C4orf50: variants seen among roughly 807,000 people sequenced by gnomAD.
The protein encoded by C4orf50 is uncharacterized protein C4orf50.
A neutral mutation model predicts 77.2 loss-of-function variants in C4orf50; 80 were observed. That is an observed-to-expected ratio of 1.04 (90% confidence interval 0.87 to 1.25). The LOEUF is 1.25. Ranked by LOEUF, C4orf50 falls within the 50% of genes most tolerant of loss-of-function variation. The probability of loss-of-function intolerance (pLI) is 0.00; values close to 1 mark genes in which losing one functional copy is unlikely to be tolerated. For synonymous variants in C4orf50, 532 were observed against 465.3 expected, an observed-to-expected ratio of 1.14 and a Z score of -1.84; for missense variants, 1,257 against 1,152.9, an observed-to-expected ratio of 1.09 and a Z score of -1.31.
chr4:5,973,486 A>T (rs1266298619), intron 31 of C4orf50, among the ~76,000 whole-genome samples, 173 bp downstream of exon 9: 1 of 152,094 alleles, frequency 6.6e-6, no homozygotes, highest in Non-Finnish European at 1.5e-5. Context: ...TCCCATGCCC[A>T]CCCAGGGCAT....
exon 34 of C4orf50, chr4:5,959,474 G>A: frequency 6.2e-7 from 1 of 1,614,196 alleles, no homozygotes; most frequent in South Asian, 1.1e-5. Flanking sequence ...CTGGGCTCAG[G>A]AGCTCAGAGG....
chr4:5,963,000 C>CTTT (rs370272649), intron 33 of C4orf50, among the ~76,000 whole-genome samples: 3 of 146,080 alleles, frequency 2.1e-5, no homozygotes, highest in Non-Finnish European at 4.5e-5. Flanking sequence ...TTTTTCTTTT[C>CTTT]TTTTTTTTTT....
At chr4:5,977,394 A>T (rs528465220) in intron 29 of C4orf50, among the ~76,000 whole-genome samples, 2 of 152,336 alleles carry the variant, frequency 1.3e-5, no homozygotes, top group African/African-American at 4.8e-5. Flanking sequence ...ATGTGTGTAT[A>T]TGAAATTATA....
intron 7 of C4orf50, among the ~76,000 whole-genome samples, chr4:5,949,401 C>A (rs114876501): frequency 9.1e-4 from 139 of 152,312 alleles, no homozygotes; most frequent in Non-Finnish European, 1.3e-3. Flanking sequence ...CACGGATGAA[C>A]CTCAAAGACA....
rs992453633 is a variant in C4orf50, at chr4:5,945,097, G to A, written c.*2474+11804C>T. 1.1e-4 allele frequency among the ~76,000 whole-genome samples: 16 copies of A among 152,304 alleles called. No homozygotes were observed. In the East Asian group the frequency reaches 1.5e-3, roughly 15 times the overall value. On this transcript the variant is annotated intron_variant, in intron 7 of 7. Transcript: ENST00000324058. Reference sequence around the variant, plus strand: ...AGGCCAGTGGCTCTAGCACTGGAGCGTGCATGGGGAGGTGCCTTGGGCTGA... The same window carrying A: ...AGGCCAGTGGCTCTAGCACTGGAGCATGCATGGGGAGGTGCCTTGGGCTGA...
At chr4:5,980,648 G>C (rs555511724) in intron 28 of C4orf50, among the ~76,000 whole-genome samples, 2 of 152,166 alleles carry the variant, frequency 1.3e-5, no homozygotes, top group South Asian at 2.1e-4. Context: ...GGAGGGCCTG[G>C]AGAGTCCCAG....
At chr4:5,907,859 C>T (rs1289094812) in intron 7 of C4orf50, among the ~76,000 whole-genome samples, 9 of 152,138 alleles carry the variant, frequency 5.9e-5, no homozygotes, top group Middle Eastern at 3.4e-3. Flanking sequence ...TTGGCATGTT[C>T]GAAGGACAGA....
At chr4:5,972,252 C>T (rs1343136901) in intron 31 of C4orf50, among the ~76,000 whole-genome samples, 1 of 152,100 alleles carries the variant, frequency 6.6e-6, no homozygotes, top group Non-Finnish European at 1.5e-5. Flanking sequence ...ATCTGTCCGC[C>T]CCGGCCTCCC....
intron 25 of C4orf50, among the ~76,000 whole-genome samples, chr4:6,004,297 G>A (rs1298633669): frequency 7.1e-5 from 5 of 70,472 alleles, no homozygotes; most frequent in Non-Finnish European, 8.8e-5. Flanking sequence ...TGGTGATGAT[G>A]GTGATGGTGG....
intron 7 of C4orf50, among the ~76,000 whole-genome samples, chr4:5,935,571 A>C (rs1717970937): frequency 1.3e-5 from 2 of 151,996 alleles, no homozygotes; most frequent in African/African-American, 4.8e-5. Flanking sequence ...GCGGATAACG[A>C]GGTCAGGAGT....
At chr4:5,910,282 T>A (rs1716747172) in intron 7 of C4orf50, among the ~76,000 whole-genome samples, 1 of 152,214 alleles carries the variant, frequency 6.6e-6, no homozygotes, top group Non-Finnish European at 1.5e-5. Flanking sequence ...TTCAACTTAA[T>A]GTGATTTTTA....
At chr4:6,001,571 A>G (rs1346301843) in intron 25 of C4orf50, among the ~76,000 whole-genome samples, 3 of 152,166 alleles carry the variant, frequency 2.0e-5, no homozygotes, top group Admixed American at 2.0e-4. Context: ...ACGAGCCAAG[A>G]AGCCAGATCA....
chr4:5,989,353 A>G, exon 28 of C4orf50: 1 of 1,536,022 alleles, frequency 6.5e-7, no homozygotes, highest in Non-Finnish European at 8.7e-7. Flanking sequence ...CCAATGAGGC[A>G]GTGTCCCTGG....
chr4:5,989,020 T>C, exon 28 of C4orf50: 1 of 1,536,096 alleles, frequency 6.5e-7, no homozygotes, highest in South Asian at 1.2e-5. Context: ...GCAGTAACTC[T>C]TCCCATTGCA....
At chr4:5,909,233 T>C (rs1484225990) in intron 7 of C4orf50, among the ~76,000 whole-genome samples, 1 of 152,210 alleles carries the variant, frequency 6.6e-6, no homozygotes, top group African/African-American at 2.4e-5. Context: ...AGGGACCACA[T>C]GACCTCCTTG....
downstream of C4orf50, chr4:5,956,773 T>C (rs937927968): frequency 6.6e-6 from 1 of 152,316 alleles, no homozygotes; most frequent in African/African-American, 2.4e-5. Context: ...TGTGACAAAT[T>C]GTTTTCTGCT....
rs553362740 is a variant in C4orf50 at position 5,988,536 on chromosome 4, C to T, written c.3510G>A (p.Gly1170=). ...GAGAATCAGCACCGCGTCTGGAATT[C>T]CCGGTGCCTGTGGAAGGTCCTGTCT... is the stretch of plus-strand genomic sequence containing the variant. The change falls in exon 28 of 34, where the codon GGG becomes GGA. Residue 1170 remains glycine (G), a synonymous_variant. Coordinates refer to ENST00000531445, the Ensembl canonical transcript of C4orf50. The T allele has an allele frequency of 3.5e-5, 54 of 1,537,512 alleles. 1 individual carries two copies. In the African/African-American group the frequency reaches 6.4e-4, roughly 18 times the overall value.
chr4:6,004,271 ATGGTGATGGTGATGT>A (rs1722095937), intron 25 of C4orf50, among the ~76,000 whole-genome samples: 1 of 57,956 alleles, frequency 1.7e-5, no homozygotes, highest in African/African-American at 6.8e-5. Context: ...GATGGTGGTG[ATGGTGATGGTGATGT>A]TGGTGATGAT....
chr4:5,998,459 C>T (rs1352029259), intron 25 of C4orf50, among the ~76,000 whole-genome samples: 1 of 152,182 alleles, frequency 6.6e-6, no homozygotes, highest in Non-Finnish European at 1.5e-5. Flanking sequence ...GTGAGCAAGG[C>T]TGCCTGCAAT....
Sources: gnomAD v4.1 joint callset for allele counts (sites outside exome capture counted in the v4.1 genomes callset) on GRCh38, gnomAD v4.1.1 for gene constraint, MANE v1.5 for transcripts, NCBI Gene and HGNC (gene_info 2026-07-23, HGNC 2026-07-21) for gene names.